The following SPRN variants were observed in gnomAD, a reference collection of about 807,000 sequenced individuals.
The protein encoded by SPRN is hypothetical protein BC004409.
For synonymous variants in SPRN, 182 were observed against 123.4 expected (o/e 1.48, Z -3.15); for missense variants, 312 against 241.4 (o/e 1.29, Z -1.94).
In SPRN at chr10:133,422,555, G is replaced by A. The variant is rs1468121448; in HGVS notation, c.*671C>T. The A allele has an allele frequency of 1.3e-5, 2 of 152,292 alleles. No individual in the cohort carries two copies. The highest frequency in any genetic ancestry group is 6.5e-5 in the Admixed American group (1 of 15,286). 9.4% of individuals were successfully genotyped at this position (152,292 alleles called of 1,614,324 possible). ...GCAAAGTGGGTCTCTCACGGATCTC[G>A]GCCTGAGGGTGTGGGGGAGAAGGCC... On this transcript the variant is annotated 3_prime_UTR_variant, in exon 2 of 2. Coordinates refer to ENST00000685335, the MANE Select transcript of SPRN (RefSeq NM_001391974.1).
At position 133,423,658 on chromosome 10, in the gene SPRN, G is replaced by C. The variant is rs1471524822; in HGVS notation, c.24C>G (p.Cys8Trp). The change falls in exon 2 of 2, where the codon TGC becomes TGG. Residue 8 changes from cysteine to tryptophan, a missense_variant. Coordinates refer to ENST00000685335, the MANE Select transcript of SPRN (RefSeq NM_001391974.1). ...AGGCGGCCGCCAGTAGCAGAGCCCA[G>C]CACGTTGCGGGTGCCCAGTTCATCT... Reference protein sequence around the residue: MNWAPATCWALLLAAAFL... With the variant: MNWAPATWWALLLAAAFL... The C allele has an allele frequency of 5.0e-6, 8 of 1,588,088 alleles. No individual in the cohort carries two copies. The highest frequency in any genetic ancestry group is 6.8e-6 in the Non-Finnish European group (8 of 1,168,918).
In SPRN at chr10:133,423,442, G is replaced by T. The variant is rs1850296166; in HGVS notation, c.240C>A (p.Ala80=). 2 of 1,259,292 alleles carry T rather than the reference G, an allele frequency of 1.6e-6. No homozygotes were observed. Among genetic ancestry groups the T allele is most frequent in the Admixed American group, 4.0e-5 (1 of 24,902 alleles). 78.0% of individuals were successfully genotyped at this position (1,259,292 alleles called of 1,614,324 possible). ...GAAAGAAAGA[A]AGLAAGSGWR... The stretch of plus-strand genomic sequence containing the variant: ...AGCCCGAGCCCGCCGCCAGGCCCGC[G>T]GCCGCTCCCGCCGCCGCCCCGGCTG... The change falls in exon 2 of 2, where the codon GCC becomes GCA. Residue 80 remains alanine (A), a synonymous_variant. Coordinates refer to ENST00000685335, the MANE Select transcript of SPRN (RefSeq NM_001391974.1).
chr10:133,423,020 C>T lies in SPRN; in HGVS notation c.*206G>A, dbSNP rs991998938. On this transcript the variant is annotated 3_prime_UTR_variant, in exon 2 of 2. Transcript: ENST00000685335. ...ACATCCTGGAGTGGGTGGGGCAGGG[C>T]CCATGGTCTCCTCTAGGTGGGAGGT... The T allele has an allele frequency of 9.8e-6, 5 of 508,678 alleles. No homozygotes were observed. The highest frequency in any genetic ancestry group is 1.7e-5 in the Non-Finnish European group (5 of 294,754). 31.5% of individuals were successfully genotyped at this position (508,678 alleles called of 1,614,324 possible).
At position 133,423,401 on chromosome 10, in the gene SPRN, C is replaced by G. The variant is rs1439481237; in HGVS notation, c.281G>C (p.Gly94Ala). 16 of 1,487,348 alleles carry G rather than the reference C, an allele frequency of 1.1e-5. No homozygotes were observed. Among genetic ancestry groups the G allele is most frequent in the Middle Eastern group, 2.3e-4 (1 of 4,310 alleles). 92.1% of individuals were successfully genotyped at this position (1,487,348 alleles called of 1,614,324 possible). A position where few individuals can be genotyped will look rare whatever the true frequency, so the allele number is the denominator to read the frequency against. The change falls in exon 2 of 2, where the codon GGA (glycine) becomes GCA (alanine). Residue 94 changes from glycine to alanine, a missense_variant. By Grantham distance (60) the Gly-to-Ala change is moderately conservative. Transcript: ENST00000685335. ...GTCCTCCAGGCCGCGTTCCCCGGGTCCCGCGGCCCTTCTCCAGCCCGAGCC... is the reference window on the plus strand; with the variant it reads ...GTCCTCCAGGCCGCGTTCCCCGGGTGCCGCGGCCCTTCTCCAGCCCGAGCC... ...AAGSGWRRAA[G>A]PGERGLEDEE...
At chr10:133,424,424 G>A (rs1176028069) in intron 1 of SPRN, 49 bp downstream of exon 1, 3 of 136,658 alleles carry the variant, frequency 2.2e-5, no homozygotes, top group East Asian at 2.1e-4. Context: ...CCCTCCCCGC[G>A]CCGCCCCTCG....
At chr10:133,423,892 G>A (rs1850310059) in intron 1 of SPRN, among the ~76,000 whole-genome samples, 195 bp from the exon 2 acceptor site, 1 of 152,278 alleles carries the variant, frequency 6.6e-6, no homozygotes, top group South Asian at 2.1e-4. Flanking sequence ...TGGGGGAGGC[G>A]CTGGGAAGTG....
intron 1 of SPRN, among the ~76,000 whole-genome samples, 185 bp from the exon 2 acceptor site, chr10:133,423,882 TG>T (rs1391744573): frequency 2.0e-5 from 3 of 151,934 alleles, no homozygotes; most frequent in Non-Finnish European, 4.4e-5. Context: ...GACTTAGGCC[TG>T]GGGGAGGCGC....
Position 133,422,883 on chromosome 10 carries a change from G to A in SPRN, c.*343C>T, listed in dbSNP as rs1007778516. On this transcript the variant is annotated 3_prime_UTR_variant, in exon 2 of 2. Transcript: ENST00000685335. ...GGCCCCTGGGCAGGCGAGGGGAGCCGGGGTGGCTTGGGTTCCTGGCCTTGG... is the reference window on the plus strand; with the variant it reads ...GGCCCCTGGGCAGGCGAGGGGAGCCAGGGTGGCTTGGGTTCCTGGCCTTGG... The A allele has an allele frequency of 3.1e-5, 7 of 223,526 alleles. No individual in the cohort carries two copies. Among genetic ancestry groups the A allele is most frequent in the African/African-American group, 1.1e-4 (5 of 43,730 alleles). 13.8% of individuals were successfully genotyped at this position (223,526 alleles called of 1,614,324 possible).
Position 133,423,236 on chromosome 10 carries a change from A to G in SPRN, c.446T>C (p.Leu149Pro). 1 of 1,461,040 alleles carries G rather than the reference A, an allele frequency of 6.8e-7. No individual in the cohort carries two copies. Among genetic ancestry groups the G allele is most frequent in the Admixed American group, 2.3e-5 (1 of 43,718 alleles). The allele number at this position is 1,461,040 out of a possible 1,614,324, so 90.5% of individuals were successfully genotyped here. The change falls in exon 2 of 2, where the codon CTG becomes CCG. Residue 149 changes from leucine (L) to proline (P), a missense_variant. Transcript: ENST00000685335. ...CGAGCCCAGCCAGGCCTAGGGCCGC[A>G]GCAGCCCCAGGGCTCCGAGGGCGCC... ...LGGALGALGLLRP is the reference protein window; with the variant it reads ...LGGALGALGLPRP
rs1393539104 is a variant in SPRN at position 133,423,410 on chromosome 10, C to G, written c.272G>C (p.Arg91Thr). 3 of 1,441,850 alleles carry G rather than the reference C, an allele frequency of 2.1e-6. No homozygotes were observed. Among genetic ancestry groups the G allele is most frequent in the African/African-American group, 1.5e-5 (1 of 67,836 alleles). 89.3% of individuals were successfully genotyped at this position (1,441,850 alleles called of 1,614,324 possible). The change falls in exon 2 of 2, where the codon AGG (arginine) becomes ACG (threonine). Residue 91 changes from arginine (R) to threonine (T), a missense_variant. Arg to Thr is a moderately conservative substitution (Grantham distance 71). Coordinates refer to ENST00000685335, the MANE Select transcript of SPRN (RefSeq NM_001391974.1). The stretch of plus-strand genomic sequence containing the variant: ...GCCGCGTTCCCCGGGTCCCGCGGCC[C>G]TTCTCCAGCCCGAGCCCGCCGCCAG... The part of the protein sequence containing the change: ...AGLAAGSGWR[R>T]AAGPGERGLE...
intron 1 of SPRN, among the ~76,000 whole-genome samples, 156 bp downstream of exon 1, chr10:133,424,317 C>G (rs1191583501): frequency 1.4e-5 from 2 of 143,306 alleles, no homozygotes; most frequent in East Asian, 4.0e-4. Flanking sequence ...CGCTCAATGC[C>G]GTCCCCGGCC....
In SPRN at chr10:133,423,448, T is replaced by A; in HGVS notation, c.234A>T (p.Gly78=). ...AGCCCGCCGCCAGGCCCGCGGCCGC[T>A]CCCGCCGCCGCCCCGGCTGCCGCCC... is the stretch of plus-strand genomic sequence containing the variant. The part of the protein sequence containing the change: ...AAGAAAGAAA[G]AAAGLAAGSG... Residue 78 remains glycine (G), a synonymous_variant, in exon 2 of 2, where the codon GGA becomes GGT. Transcript: ENST00000685335. The A allele has an allele frequency of 8.1e-7, 1 of 1,234,170 alleles. No homozygotes were observed. The highest frequency in any genetic ancestry group is 1.0e-6 in the Non-Finnish European group (1 of 992,198). 76.5% of individuals were successfully genotyped at this position (1,234,170 alleles called of 1,614,324 possible). A position where few individuals can be genotyped will look rare whatever the true frequency, so the allele number is the denominator to read the frequency against.
rs964410573 is a variant in SPRN, at chr10:133,421,020, A to T, written c.*2206T>A. 1 of 152,700 alleles carries T rather than the reference A, an allele frequency of 6.5e-6. No individual in the cohort carries two copies. The highest frequency in any genetic ancestry group is 1.9e-4 in the East Asian group (1 of 5,212). 9.5% of individuals were successfully genotyped at this position (152,700 alleles called of 1,614,324 possible). On this transcript the variant is annotated 3_prime_UTR_variant, in exon 2 of 2. Transcript: ENST00000685335. ...AGGAAGGAAGGTGGGTGGGGCTGGT[A>T]GTATGGACTAAGGTGCTGCAGGACC...
chr10:133,423,883 G>A (rs1365243290), intron 1 of SPRN, among the ~76,000 whole-genome samples, 186 bp from the exon 2 acceptor site: 5 of 152,272 alleles, frequency 3.3e-5, no homozygotes, highest in Non-Finnish European at 2.9e-5. Context: ...ACTTAGGCCT[G>A]GGGGAGGCGC....
chr10:133,423,413 CT>C lies in SPRN; in HGVS notation c.268del (p.Arg90GlufsTer127). On this transcript the variant is annotated frameshift_variant, in exon 2 of 2. Coordinates refer to ENST00000685335, the MANE Select transcript of SPRN (RefSeq NM_001391974.1). LOFTEE classifies it low-confidence loss of function (END_TRUNC). ...GCGTTCCCCGGGTCCCGCGGCCCTT[CT>C]CCAGCCCGAGCCCGCCGCCAGGCCC... is the stretch of plus-strand genomic sequence containing the variant. ...AAGLAAGSGWRRAAGPGERGL... is the reference protein window; with the variant it reads ...AAGLAAGSGWXRAAGPGERGL... The C allele has an allele frequency of 7.0e-7, 1 of 1,426,468 alleles. No homozygotes were observed. The highest frequency in any genetic ancestry group is 9.2e-7 in the Non-Finnish European group (1 of 1,088,572). 88.4% of individuals were successfully genotyped at this position (1,426,468 alleles called of 1,614,324 possible). A position where few individuals can be genotyped will look rare whatever the true frequency, so the allele number is the denominator to read the frequency against.
In SPRN at chr10:133,423,229, G is replaced by C. The variant is rs1384565632; in HGVS notation, c.453C>G (p.Pro151=). The change falls in exon 2 of 2, where the codon CCC becomes CCG. Residue 151 remains proline (P), a synonymous_variant. Transcript: ENST00000685335. ...TGGTCCCCGAGCCCAGCCAGGCCTA[G>C]GGCCGCAGCAGCCCCAGGGCTCCGA... The part of the protein sequence containing the change: ...GALGALGLLR[P] The C allele has an allele frequency of 2.1e-6, 3 of 1,451,690 alleles. No individual in the cohort carries two copies. In the Admixed American group the frequency reaches 7.0e-5, roughly 34 times the overall value. The allele number at this position is 1,451,690 out of a possible 1,614,324, so 89.9% of individuals were successfully genotyped here. A position where few individuals can be genotyped will look rare whatever the true frequency, so the allele number is the denominator to read the frequency against.
At position 133,423,266 on chromosome 10, in the gene SPRN, A is replaced by G; in HGVS notation, c.416T>C (p.Leu139Pro). 2 of 1,499,582 alleles carry G rather than the reference A, an allele frequency of 1.3e-6. No individual in the cohort carries two copies. The highest frequency in any genetic ancestry group is 1.2e-5 in the South Asian group (1 of 80,324). The allele number at this position is 1,499,582 out of a possible 1,614,324, so 92.9% of individuals were successfully genotyped here. The change falls in exon 2 of 2, where the codon CTG becomes CCG. Residue 139 changes from leucine (L) to proline (P), a missense_variant. Coordinates refer to ENST00000685335, the MANE Select transcript of SPRN (RefSeq NM_001391974.1). ...CCCCAGGGCTCCGAGGGCGCCGCCC[A>G]GCACGAGACAGAGACGCGGGCCGCG... ...PTRGPRLCLVLGGALGALGLL... is the reference protein window; with the variant it reads ...PTRGPRLCLVPGGALGALGLL...
In SPRN at chr10:133,423,324, A is replaced by G; in HGVS notation, c.358T>C (p.Tyr120His). ...GNGTGPGIYS[Y>H]RAWTSGAGPT... Reference sequence around the variant, plus strand: ...CCAGCGCCCGAAGTCCACGCCCGGTAGCTGTAGATGCCGGGGCCTGTCCCG... The same window carrying G: ...CCAGCGCCCGAAGTCCACGCCCGGTGGCTGTAGATGCCGGGGCCTGTCCCG... Residue 120 changes from tyrosine (Y) to histidine (H), a missense_variant, in exon 2 of 2, where the codon TAC (tyrosine) becomes CAC (histidine). By Grantham distance (83) the Tyr-to-His change is moderately conservative (BLOSUM62 2). Coordinates refer to ENST00000685335, the MANE Select transcript of SPRN (RefSeq NM_001391974.1). 6.6e-7 allele frequency: 1 copy of G among 1,522,678 alleles called. No homozygotes were observed. The highest frequency in any genetic ancestry group is 8.8e-7 in the Non-Finnish European group (1 of 1,140,354). The allele number at this position is 1,522,678 out of a possible 1,614,324, so 94.3% of individuals were successfully genotyped here. A position where few individuals can be genotyped will look rare whatever the true frequency, so the allele number is the denominator to read the frequency against.
intron 1 of SPRN, among the ~76,000 whole-genome samples, chr10:133,423,991 G>A (rs188867711): frequency 0.036 from 2,372 of 66,250 alleles, 9 homozygotes; most frequent in East Asian, 0.24. Context: ...GGCCTCTGGG[G>A]GCGTCCAGGC....
Sources: gnomAD v4.1 joint callset for allele counts (sites outside exome capture counted in the v4.1 genomes callset) on GRCh38, gnomAD v4.1.1 for gene constraint, MANE v1.5 for transcripts, NCBI Gene and HGNC (gene_info 2026-07-23, HGNC 2026-07-21) for gene names.